CNST: variants seen among roughly 807,000 people sequenced by gnomAD.
CNST encodes the protein consortin.
CNST carries 39 observed loss-of-function variants against 72.4 expected under a neutral mutation model. The ratio of observed to expected loss-of-function variants is 0.54; its 90% CI spans 0.42 to 0.70. The LOEUF is 0.70. Among genes scored for constraint, CNST ranks in the 30% least tolerant of loss-of-function variants. The pLI, the probability that CNST is intolerant of heterozygous loss-of-function variation, is 0.00. For synonymous variants in CNST, 332 were observed against 320.1 expected (o/e 1.04, Z -0.40); for missense variants, 871 against 868.5 (o/e 1.00, Z -0.04).
intron 2 of CNST, among the ~76,000 whole-genome samples, chr1:246,616,443 A>G (rs904685506): frequency 1.4e-4 from 21 of 152,258 alleles, no homozygotes; most frequent in Admixed American, 9.2e-4. Flanking sequence ...CTGTGGTTCC[A>G]GCTACTCGGG....
At chr1:246,570,655 C>T (rs947359190) in intron 1 of CNST, among the ~76,000 whole-genome samples, 1 of 150,402 alleles carries the variant, frequency 6.6e-6, no homozygotes, top group South Asian at 2.1e-4. Context: ...GTTACTTGTT[C>T]TGTGAGAGAT....
At chr1:246,603,335 T>C (rs762473213) in intron 2 of CNST, among the ~76,000 whole-genome samples, 2 of 135,722 alleles carry the variant, frequency 1.5e-5, no homozygotes, top group Non-Finnish European at 3.2e-5. Flanking sequence ...TTCCAATATT[T>C]AATCGTTTTC....
intron 3 of CNST, among the ~76,000 whole-genome samples, chr1:246,626,481 G>A (rs1409958603): frequency 4.0e-5 from 4 of 100,592 alleles, no homozygotes; most frequent in Admixed American, 1.4e-4. Flanking sequence ...TTTTTGAGAC[G>A]GAGTCTCACT....
intron 6 of CNST, among the ~76,000 whole-genome samples, chr1:246,641,398 A>G (rs149912724): frequency 7.2e-5 from 11 of 152,338 alleles, no homozygotes; most frequent in African/African-American, 2.4e-4. Flanking sequence ...ACCATAATCT[A>G]TTTTAGACTA....
intron 10 of CNST, among the ~76,000 whole-genome samples, chr1:246,661,335 C>T (rs773708653): frequency 6.6e-6 from 1 of 152,128 alleles, no homozygotes; most frequent in Non-Finnish European, 1.5e-5. Flanking sequence ...CCAGGCTAGT[C>T]TCGAACTCCT....
chr1:246,633,399 A>G (rs916986627), intron 4 of CNST, among the ~76,000 whole-genome samples: 3 of 151,414 alleles, frequency 2.0e-5, no homozygotes, highest in Non-Finnish European at 4.4e-5. Flanking sequence ...CAATAAGCCA[A>G]GGTGGCACCA....
rs1664954230 is a variant in CNST, at chr1:246,633,856, A to G, written c.617-68A>G. On this transcript the variant is annotated intron_variant, in intron 4 of 10. Coordinates refer to ENST00000366513, the MANE Select transcript of CNST (RefSeq NM_152609.3). ...GCAAATTTCTCAACATCTATAGGAC[A>G]TTGTTCTTCAAATATGGGAATAATG... 1.0e-5 allele frequency: 11 copies of G among 1,053,406 alleles called. No individual in the cohort carries two copies. In the South Asian group the frequency reaches 1.3e-4, roughly 13 times the overall value. 65.3% of individuals were successfully genotyped at this position (1,053,406 alleles called of 1,614,324 possible). A position where few individuals can be genotyped will look rare whatever the true frequency, so the allele number is the denominator to read the frequency against.
intron 3 of CNST, among the ~76,000 whole-genome samples, chr1:246,625,361 CT>C: frequency 6.7e-6 from 1 of 149,266 alleles, no homozygotes; most frequent in South Asian, 2.2e-4. Context: ...TATGAACAGT[CT>C]AAGAATTCAT....
At chr1:246,582,514 G>A (rs1486761273) in intron 1 of CNST, among the ~76,000 whole-genome samples, 3 of 151,980 alleles carry the variant, frequency 2.0e-5, no homozygotes, top group Non-Finnish European at 4.4e-5. Context: ...GAGCCTGGCC[G>A]GGCTTACGTT....
Position 246,660,247 on chromosome 1 carries a change from A to G in CNST, c.1885A>G (p.Thr629Ala), listed in dbSNP as rs753082032. Residue 629 changes from threonine (T) to alanine (A), a missense_variant, in exon 10 of 11, where the codon ACT (threonine) becomes GCT (alanine). Transcript: ENST00000366513. The stretch of plus-strand genomic sequence containing the variant: ...CTCCATATTAAAGAAGAGGAATGAT[A>G]CTGTAGGAGATCATCCTGCCCAAAT... ...LVSILKKRND[T>A]VGDHPAQMQH... 1.2e-6 allele frequency: 2 copies of G among 1,612,274 alleles called. No homozygotes were observed. The highest frequency in any genetic ancestry group is 2.2e-5 in the South Asian group (2 of 90,994).
intron 9 of CNST, among the ~76,000 whole-genome samples, chr1:246,659,420 C>G (rs1270478967): frequency 6.6e-6 from 1 of 152,208 alleles, no homozygotes; most frequent in East Asian, 1.9e-4. Flanking sequence ...CGGTGAAACC[C>G]CGTCTCTACT....
At chr1:246,639,249 A>C (rs1665520831) in intron 6 of CNST, among the ~76,000 whole-genome samples, 1 of 152,006 alleles carries the variant, frequency 6.6e-6, no homozygotes, top group Non-Finnish European at 1.5e-5. Context: ...CTGAGATGAG[A>C]GCCTTCTGGA....
chr1:246,587,099 T>G (rs1661245143), intron 1 of CNST, among the ~76,000 whole-genome samples: 1 of 152,210 alleles, frequency 6.6e-6, no homozygotes, highest in African/African-American at 2.4e-5. Flanking sequence ...TATATATATG[T>G]AATAAACTTA....
chr1:246,581,599 TA>T (rs1660789823), intron 1 of CNST, among the ~76,000 whole-genome samples: 1 of 152,258 alleles, frequency 6.6e-6, no homozygotes, highest in African/African-American at 2.4e-5. Flanking sequence ...TGGGTCCTTG[TA>T]AAGCACATGG....
At chr1:246,567,424 C>G (rs765833376) in intron 1 of CNST, among the ~76,000 whole-genome samples, 17 of 151,824 alleles carry the variant, frequency 1.1e-4, no homozygotes, top group Non-Finnish European at 2.1e-4. Context: ...GTTTCAGGAT[C>G]AAACTTAGAG....
intron 9 of CNST, among the ~76,000 whole-genome samples, chr1:246,659,457 T>C (rs1232558047): frequency 6.6e-6 from 1 of 152,118 alleles, no homozygotes; most frequent in Admixed American, 6.5e-5. Flanking sequence ...TAGCCGAGCA[T>C]GGTGGCGGGT....
chr1:246,607,137 G>A (rs1480973969), intron 2 of CNST: 1 of 152,070 alleles, frequency 6.6e-6, no homozygotes, highest in Non-Finnish European at 1.5e-5. Context: ...GGCACGATGG[G>A]TTTTATCAGT....
chr1:246,640,892 G>A (rs542469675), intron 6 of CNST, among the ~76,000 whole-genome samples: 16 of 152,126 alleles, frequency 1.1e-4, no homozygotes, highest in South Asian at 2.1e-4. Flanking sequence ...TTGCATAGAC[G>A]TATATGTCTA....
At position 246,577,854 on chromosome 1, in the gene CNST, TAA is replaced by T. The variant is rs534252511; in HGVS notation, c.-52+11192_-52+11193del. Among the ~76,000 whole-genome samples the T allele has an allele frequency of 4.7e-4, 72 of 152,240 alleles. 1 individual carries two copies. The highest frequency in any genetic ancestry group is 1.7e-3 in the African/African-American group (70 of 41,458). ...ACCTATCATTTCTTTGCGTTTTTAC[TAA>T]TTCATGCTTCTTTTTTGGACTTTGC... On this transcript the variant is annotated intron_variant, in intron 1 of 10. Transcript: ENST00000366513.
Sources: allele counts gnomAD v4.1 joint callset (sites outside exome capture counted in the v4.1 genomes callset), GRCh38; gene constraint gnomAD v4.1.1; transcripts MANE v1.5; gene names NCBI Gene and HGNC (gene_info 2026-07-23, HGNC 2026-07-21).